The following KSR2 variants were observed in gnomAD, a reference collection of about 807,000 sequenced individuals.
The protein encoded by KSR2 is kinase suppressor of ras 2.
Under a neutral mutation model 107.8 loss-of-function variants are expected in KSR2, and 25 were observed. The ratio of observed to expected loss-of-function variants is 0.23; its 90% CI spans 0.17 to 0.32. The LOEUF (loss-of-function observed/expected upper bound fraction) is 0.32. Ranked by LOEUF, KSR2 falls within the 10% of genes least tolerant of loss-of-function variation. The pLI, the probability that KSR2 is intolerant of heterozygous loss-of-function variation, is 1.00. For missense variants in KSR2, 887 were observed against 1,268.9 expected, an observed-to-expected ratio of 0.70 and a Z score of 4.57; for synonymous variants, 480 against 507.0, an observed-to-expected ratio of 0.95 and a Z score of 0.71.
rs552342786 is a variant in KSR2, at chr12:117,521,091, T to C, written c.2219+3761A>G. Among the ~76,000 whole-genome samples the C allele has an allele frequency of 3.3e-5, 5 of 152,256 alleles. No individual in the cohort carries two copies. The East Asian group carries it at 9.6e-4, about 29-fold the overall frequency. ...GCTTGAGAACCCCTGCCCTCTCCAG[T>C]CTTGCTCCTGACAGCTTCTCTACCC... On this transcript the variant is annotated intron_variant, in intron 14 of 19. Coordinates refer to ENST00000339824, the MANE Select transcript of KSR2 (RefSeq NM_173598.6).
chr12:117,701,075 C>CTTTG, intron 4 of KSR2, among the ~76,000 whole-genome samples: 2 of 152,204 alleles, frequency 1.3e-5, no homozygotes, highest in South Asian at 2.1e-4. Flanking sequence ...AGGAGGAAAA[C>CTTTG]TTTGTTTGTT....
At chr12:117,963,083 A>G (rs1350881708) in intron 1 of KSR2, among the ~76,000 whole-genome samples, 1 of 151,926 alleles carries the variant, frequency 6.6e-6, no homozygotes, top group Non-Finnish European at 1.5e-5. Context: ...CCAGCTACTC[A>G]GGAGGCCGAG....
chr12:117,584,408 G>A (rs1327094864), intron 5 of KSR2, among the ~76,000 whole-genome samples: 1 of 152,150 alleles, frequency 6.6e-6, no homozygotes, highest in Admixed American at 6.5e-5. Context: ...GGGAATGGGA[G>A]GATGGCGCTG....
chr12:117,742,403 C>T (rs1888251515), intron 4 of KSR2, among the ~76,000 whole-genome samples: 1 of 152,124 alleles, frequency 6.6e-6, no homozygotes, highest in Admixed American at 6.5e-5. Context: ...TAAGAGAATG[C>T]TCCTGATTTT....
intron 5 of KSR2, among the ~76,000 whole-genome samples, chr12:117,590,220 G>A (rs963610671): frequency 1.3e-5 from 2 of 152,230 alleles, no homozygotes; most frequent in Non-Finnish European, 2.9e-5. Flanking sequence ...ATGCATGTGT[G>A]GAGTTTAAGT....
chr12:117,794,375 TCA>T (rs1566019119), intron 3 of KSR2, among the ~76,000 whole-genome samples: 1 of 14,222 alleles, frequency 7.0e-5, no homozygotes, highest in Non-Finnish European at 1.0e-4. Flanking sequence ...ACATGCACAC[TCA>T]CACCAACATG....
Position 117,559,973 on chromosome 12 carries a change from G to A in KSR2, c.1326-1400C>T, listed in dbSNP as rs377561440. ...TTGGAGATTTAGTATTAAAATAGAC[G>A]TATACATTAAACTCAGAAGTAGGAA... On this transcript the variant is annotated intron_variant, in intron 7 of 19. Transcript: ENST00000339824. Among the ~76,000 whole-genome samples, 150 of 152,208 alleles carry A rather than the reference G, an allele frequency of 9.9e-4. 1 individual carries two copies. Among genetic ancestry groups the A allele is most frequent in the South Asian group, 7.7e-3 (37 of 4,814 alleles).
intron 5 of KSR2, among the ~76,000 whole-genome samples, chr12:117,587,901 G>C (rs1409611422): frequency 6.6e-6 from 1 of 152,012 alleles, no homozygotes; most frequent in Non-Finnish European, 1.5e-5. Context: ...CTGCCAGGCT[G>C]TAACTGGAAA....
At chr12:117,515,209 T>C (rs16947661) in intron 14 of KSR2, among the ~76,000 whole-genome samples, 9,272 of 152,256 alleles carry the variant, frequency 0.061, 641 homozygotes, top group African/African-American at 0.18. Context: ...AATACTCCTT[T>C]ACTGCACTGT....
intron 1 of KSR2, among the ~76,000 whole-genome samples, chr12:117,863,612 A>G (rs936417715): frequency 2.6e-5 from 4 of 152,350 alleles, no homozygotes; most frequent in Admixed American, 6.5e-5. Context: ...CATCCCTGGT[A>G]TACTGGTTTC....
At chr12:117,736,670 G>C (rs1887952033) in intron 4 of KSR2, among the ~76,000 whole-genome samples, 1 of 151,956 alleles carries the variant, frequency 6.6e-6, no homozygotes, top group Non-Finnish European at 1.5e-5. Context: ...AAAATTAGTT[G>C]GGTGTGGTGG....
intron 4 of KSR2, among the ~76,000 whole-genome samples, chr12:117,732,770 G>A (rs1278361215): frequency 1.3e-5 from 2 of 152,158 alleles, no homozygotes; most frequent in African/African-American, 4.8e-5. Flanking sequence ...ACAGGAGGAG[G>A]AGGTGAAGGC....
rs1592891904 is a variant in KSR2 at position 117,457,827 on chromosome 12, G to A, written c.*9372C>T. The A allele has an allele frequency of 6.6e-6, 1 of 152,184 alleles. No homozygotes were observed. Among genetic ancestry groups the A allele is most frequent in the East Asian group, 1.9e-4 (1 of 5,188 alleles). The allele number at this position is 152,184 out of a possible 1,614,324, so 9.4% of individuals were successfully genotyped here. On this transcript the variant is annotated 3_prime_UTR_variant, in exon 20 of 20. Transcript: ENST00000339824. The stretch of plus-strand genomic sequence containing the variant: ...CAAATAGCTCAACAGTACTGAGGTT[G>A]AGAAACCCTGGCTTAGAATGAACAT...
rs115606908 is a variant in KSR2, at chr12:117,647,427, G to A, written c.1171+20047C>T. On this transcript the variant is annotated intron_variant, in intron 5 of 19. Transcript: ENST00000339824. Reference sequence around the variant, plus strand: ...CAGACTGATGGGGCCAAGCCTCAGAGTGCAGGTGTGTGCCAGGAGCCAGCA... The same window carrying A: ...CAGACTGATGGGGCCAAGCCTCAGAATGCAGGTGTGTGCCAGGAGCCAGCA... Among the ~76,000 whole-genome samples, 583 of 152,292 alleles carry A rather than the reference G, an allele frequency of 3.8e-3. 1 individual carries two copies. The highest frequency in any genetic ancestry group is 0.013 in the African/African-American group (552 of 41,558).
intron 1 of KSR2, among the ~76,000 whole-genome samples, chr12:117,868,638 G>C (rs1249744337): frequency 1.3e-5 from 2 of 152,078 alleles, no homozygotes; most frequent in South Asian, 2.1e-4. Context: ...CACACAGCTA[G>C]TAAGTGCAGA....
At chr12:117,653,497 G>A (rs915674093) in intron 5 of KSR2, among the ~76,000 whole-genome samples, 4 of 152,202 alleles carry the variant, frequency 2.6e-5, no homozygotes, top group African/African-American at 9.6e-5. Context: ...TATCACACTG[G>A]TCCATTACAT....
intron 1 of KSR2, 37 bp downstream of exon 1, chr12:117,968,029 CTTTTTTTTTT>C (rs34834989): frequency 0.013 from 8,516 of 674,842 alleles, 81 homozygotes; most frequent in African/African-American, 0.032. Context: ...AGAAGGATTG[CTTTTTTTTTT>C]TTTTTTTTTT....
rs77930444 is a variant in KSR2 at position 117,484,217 on chromosome 12, G to T, written c.2450+199C>A. Among the ~76,000 whole-genome samples the T allele has an allele frequency of 4.7e-4, 72 of 152,310 alleles. 1 individual carries two copies. In the East Asian group the frequency reaches 0.014, roughly 29 times the overall value. Reference sequence around the variant, plus strand: ...ATCACACACACTCAAAGACAAGACAGGTGAGCAAGGTGCTGGCCCCCCCAG... The same window carrying T: ...ATCACACACACTCAAAGACAAGACATGTGAGCAAGGTGCTGGCCCCCCCAG... On this transcript the variant is annotated intron_variant, in intron 16 of 19. Coordinates refer to ENST00000339824, the MANE Select transcript of KSR2 (RefSeq NM_173598.6).
chr12:117,524,667 T>TA (rs1294833651), intron 14 of KSR2, among the ~76,000 whole-genome samples, 185 bp downstream of exon 14: 3 of 152,252 alleles, frequency 2.0e-5, no homozygotes, highest in African/African-American at 7.2e-5. Flanking sequence ...ACCCTGTCTC[T>TA]AAAAAAACAA....
Sources: allele counts gnomAD v4.1 joint callset (sites outside exome capture counted in the v4.1 genomes callset), GRCh38; gene constraint gnomAD v4.1.1; transcripts MANE v1.5; gene names NCBI Gene and HGNC (gene_info 2026-07-23, HGNC 2026-07-21).